TNS3: variants seen among roughly 807,000 people sequenced by gnomAD.
The protein encoded by TNS3 is tensin 3.
In TNS3, 45 loss-of-function variants were observed where a neutral mutation model predicts 140.9. That is an observed-to-expected ratio of 0.32 (90% CI 0.25 to 0.41). TNS3 has a LOEUF of 0.41. Ranked by LOEUF, TNS3 falls within the 10% of genes least tolerant of loss-of-function variation. TNS3 has a pLI of 1.00. For missense variants in TNS3, 1,716 were observed against 1,906.7 expected (o/e 0.90, Z 1.86); for synonymous variants, 815 against 788.4 (o/e 1.03, Z -0.56).
At chr7:47,441,198 G>A (rs1795448693) in intron 5 of TNS3, among the ~76,000 whole-genome samples, 1 of 149,452 alleles carries the variant, frequency 6.7e-6, no homozygotes, top group Non-Finnish European at 1.5e-5. Flanking sequence ...TTATTTTTTC[G>A]AGACAGAGTC....
chr7:47,488,228 C>T (rs1797682865), intron 3 of TNS3, among the ~76,000 whole-genome samples: 1 of 152,200 alleles, frequency 6.6e-6, no homozygotes, highest in African/African-American at 2.4e-5. Flanking sequence ...TCATTTATTA[C>T]AAGGGCAGGG....
In TNS3 at chr7:47,484,561, G is replaced by A. The variant is rs113481209; in HGVS notation, c.-114-3420C>T. On this transcript the variant is annotated intron_variant, in intron 3 of 30. Transcript: ENST00000311160. The stretch of plus-strand genomic sequence containing the variant: ...AAGGAACCTATGGGGACTGTGCGAC[G>A]GTGCTATCAGCTGCATTTGCTGGAC... Among the ~76,000 whole-genome samples the A allele has an allele frequency of 8.1e-3, 1,240 of 152,268 alleles. 10 individuals carry two copies. Among genetic ancestry groups the A allele is most frequent in the Non-Finnish European group, 0.013 (896 of 68,006 alleles).
chr7:47,460,420 G>A (rs556915768), intron 4 of TNS3, among the ~76,000 whole-genome samples: 20 of 152,284 alleles, frequency 1.3e-4, no homozygotes, highest in Admixed American at 7.8e-4. Context: ...CAGCTGCCCC[G>A]CACGGTGGTG....
intron 4 of TNS3, chr7:47,452,954 C>A: frequency 1.0e-6 from 1 of 985,520 alleles, no homozygotes; most frequent in Non-Finnish European, 1.2e-6. Context: ...TGGGCAGGGA[C>A]CACCGGCCAG....
intron 16 of TNS3, 170 bp downstream of exon 16, chr7:47,396,630 A>T: frequency 1.6e-6 from 1 of 642,854 alleles, no homozygotes; most frequent in Non-Finnish European, 2.8e-6. Flanking sequence ...ATTCTCACGA[A>T]GACCCTCAAA....
intron 6 of TNS3, among the ~76,000 whole-genome samples, chr7:47,438,239 A>G (rs1243424573): frequency 6.6e-6 from 1 of 152,148 alleles, no homozygotes; most frequent in Non-Finnish European, 1.5e-5. Flanking sequence ...CTAACCCTGC[A>G]CAAGAAAAAG....
chr7:47,405,670 G>A, intron 13 of TNS3: 1 of 682,454 alleles, frequency 1.5e-6, no homozygotes, highest in Non-Finnish European at 2.7e-6. Flanking sequence ...AAAAGGGAGA[G>A]GAAAAGGCAA....
chr7:47,535,309 C>T (rs1171936745), intron 1 of TNS3, among the ~76,000 whole-genome samples: 1 of 152,256 alleles, frequency 6.6e-6, no homozygotes, highest in African/African-American at 2.4e-5. Context: ...TTTCCTGCAG[C>T]TTTCTTGCCC....
intron 3 of TNS3, among the ~76,000 whole-genome samples, chr7:47,496,771 G>A (rs1012186560): frequency 1.3e-5 from 2 of 152,236 alleles, no homozygotes; most frequent in African/African-American, 4.8e-5. Context: ...AGCAGGCAGG[G>A]ACACCTGCAG....
rs1157629337 is a variant in TNS3 at position 47,571,739 on chromosome 7, C to T, written c.-265+10312G>A. On this transcript the variant is annotated intron_variant, in intron 1 of 30. Coordinates refer to ENST00000311160, the MANE Select transcript of TNS3 (RefSeq NM_022748.12). ...TTTGGCTACAAAGCTGAACTCAGCA[C>T]CAACAGCCCCCAGCTGGCCGCTCAC... 7.9e-5 allele frequency among the ~76,000 whole-genome samples: 12 copies of T among 152,352 alleles called. No homozygotes were observed. In the South Asian group the frequency reaches 2.5e-3, roughly 32 times the overall value.
intron 4 of TNS3, among the ~76,000 whole-genome samples, chr7:47,466,667 G>A (rs1187875717): frequency 2.0e-5 from 3 of 152,140 alleles, no homozygotes; most frequent in African/African-American, 7.2e-5. Context: ...GGACTCAGCT[G>A]TGTACTTCCT....
chr7:47,444,319 T>C (rs1200335066), intron 4 of TNS3, among the ~76,000 whole-genome samples: 1 of 152,138 alleles, frequency 6.6e-6, no homozygotes, highest in Non-Finnish European at 1.5e-5. Flanking sequence ...CATGCTGGAG[T>C]ACACTGGCCC....
At chr7:47,387,244 T>C (rs1792126661) in intron 16 of TNS3, among the ~76,000 whole-genome samples, 1 of 152,100 alleles carries the variant, frequency 6.6e-6, no homozygotes, top group Non-Finnish European at 1.5e-5. Context: ...AAGATCAAGG[T>C]GGGGCTGGGG....
In TNS3 at chr7:47,389,134, A is replaced by G. The variant is rs1176288143; in HGVS notation, c.1024+7666T>C. ...CAGAAGAAGAAGAAGAAGAAGAAGAAGAAGAAGAAGAAGAAGAAGAAGCAG... is the reference window on the plus strand; with the variant it reads ...CAGAAGAAGAAGAAGAAGAAGAAGAGGAAGAAGAAGAAGAAGAAGAAGCAG... On this transcript the variant is annotated intron_variant, in intron 16 of 30. Transcript: ENST00000311160. 5.3e-4 allele frequency among the ~76,000 whole-genome samples: 29 copies of G among 54,774 alleles called. 6 individuals carry two copies. The South Asian group carries it at 6.8e-3, about 13-fold the overall frequency. 35.9% of individuals were successfully genotyped at this position (54,774 alleles called of 152,430 possible).
At chr7:47,443,619 T>C (rs1329397138) in intron 4 of TNS3, among the ~76,000 whole-genome samples, 1 of 152,164 alleles carries the variant, frequency 6.6e-6, no homozygotes, top group African/African-American at 2.4e-5. Flanking sequence ...TGTCAGTGTG[T>C]ATAAAAAGTA....
At chr7:47,296,424 A>G (rs1786029246) in intron 24 of TNS3, among the ~76,000 whole-genome samples, 1 of 152,208 alleles carries the variant, frequency 6.6e-6, no homozygotes, top group South Asian at 2.1e-4. Flanking sequence ...AGAGGCAGTA[A>G]TACCATAGGA....
chr7:47,504,756 C>G (rs1798352892), intron 3 of TNS3, among the ~76,000 whole-genome samples: 1 of 152,162 alleles, frequency 6.6e-6, no homozygotes, highest in Non-Finnish European at 1.5e-5. Flanking sequence ...CCCTCATATC[C>G]CCAACAACGA....
At chr7:47,528,671 C>T (rs547553630) in intron 2 of TNS3, among the ~76,000 whole-genome samples, 1 of 152,154 alleles carries the variant, frequency 6.6e-6, no homozygotes, top group Non-Finnish European at 1.5e-5. Flanking sequence ...AAAATGAACC[C>T]GAAATCTAAA....
intron 9 of TNS3, among the ~76,000 whole-genome samples, chr7:47,427,221 T>C (rs528887047): frequency 3.2e-4 from 49 of 151,638 alleles, no homozygotes; most frequent in African/African-American, 9.9e-4. Flanking sequence ...TTTGGCATCA[T>C]TGAGGGATGG....
Sources: gnomAD v4.1 joint callset for allele counts (sites outside exome capture counted in the v4.1 genomes callset) on GRCh38, gnomAD v4.1.1 for gene constraint, MANE v1.5 for transcripts, NCBI Gene and HGNC (gene_info 2026-07-23, HGNC 2026-07-21) for gene names.